Variants in RUBCN observed in about 807,000 individuals in gnomAD.
The protein encoded by RUBCN is rubicon autophagy regulator.
Under a neutral mutation model 113.2 loss-of-function variants are expected in RUBCN, and 74 were observed. The ratio of observed to expected loss-of-function variants is 0.65; its 90% CI spans 0.54 to 0.79. The LOEUF is 0.79. Ranked by LOEUF, RUBCN falls within the 30% of genes least tolerant of loss-of-function variation. The probability of loss-of-function intolerance (pLI) is 0.00; values close to 1 mark genes in which losing one functional copy is unlikely to be tolerated. For missense variants in RUBCN, 1,109 were observed against 1,251.7 expected (o/e 0.89, Z 1.72); for synonymous variants, 480 against 490.0 (o/e 0.98, Z 0.27).
intron 2 of RUBCN, among the ~76,000 whole-genome samples, chr3:197,708,697 T>C (rs567333024): frequency 7.4e-4 from 112 of 152,258 alleles, no homozygotes; most frequent in African/African-American, 2.6e-3. Context: ...CTCCCACCAA[T>C]TGAGTTGTGG....
At chr3:197,737,081 C>A, upstream of RUBCN, 1 of 444,562 alleles carries the variant, frequency 2.2e-6, no homozygotes, top group African/African-American at 2.1e-5. Flanking sequence ...CCGCGCCCTC[C>A]AATCCCAGGC....
At chr3:197,684,245 C>T (rs757032278) in intron 11 of RUBCN, 28 bp from the exon 12 acceptor site, 7 of 1,596,256 alleles carry the variant, frequency 4.4e-6, no homozygotes, top group Non-Finnish European at 5.2e-6. Context: ...ATAAGGGGAG[C>T]GCAATGGAAA....
chr3:197,720,795 C>T (rs970371914), intron 1 of RUBCN, among the ~76,000 whole-genome samples: 1 of 152,086 alleles, frequency 6.6e-6, no homozygotes, highest in Non-Finnish European at 1.5e-5. Context: ...CTTTGATACA[C>T]CGATTGTGTT....
At position 197,701,761 on chromosome 3, in the gene RUBCN, G is replaced by T; in HGVS notation, c.674C>A (p.Ser225Tyr). The change falls in exon 6 of 20, where the codon TCC (serine) becomes TAC (tyrosine). Residue 225 changes from serine to tyrosine, a missense_variant. By Grantham distance (144) the Ser-to-Tyr change is moderately radical. Coordinates refer to ENST00000296343, the MANE Select transcript of RUBCN (RefSeq NM_014687.4). ...GAGGCTAGAGAAGGACCCAAAGTAG[G>T]AATGCTGAGCATAGCTGTTTGGAGG... ...YTPPNSYAQH[S>Y]YFGSFSSLHQ... 1 of 1,614,148 alleles carries T rather than the reference G, an allele frequency of 6.2e-7. No homozygotes were observed. Among genetic ancestry groups the T allele is most frequent in the Non-Finnish European group, 8.5e-7 (1 of 1,179,970 alleles).
At chr3:197,676,831 C>G (rs2108833223) in intron 18 of RUBCN, 54 bp downstream of exon 18, 1 of 1,613,138 alleles carries the variant, frequency 6.2e-7, no homozygotes, top group East Asian at 2.2e-5. Context: ...CACCCCCCTC[C>G]CTGTATCCCT....
exon 1 of RUBCN, chr3:197,749,321 G>A (rs1728900848): frequency 2.6e-6 from 3 of 1,151,370 alleles, no homozygotes; most frequent in Middle Eastern, 4.0e-4. Flanking sequence ...CGTGCCAGAT[G>A]TTTTGAGAGT....
upstream of RUBCN, among the ~76,000 whole-genome samples, chr3:197,740,166 A>G (rs963043767): frequency 1.1e-4 from 17 of 152,216 alleles, 1 homozygote; most frequent in Non-Finnish European, 2.2e-4. Context: ...AAACATGACA[A>G]TAATCTGCAC....
At position 197,718,091 on chromosome 3, in the gene RUBCN, C is replaced by T. The variant is rs773189467; in HGVS notation, c.105G>A (p.Thr35=). 1.4e-5 allele frequency: 22 copies of T among 1,614,072 alleles called. No individual in the cohort carries two copies. Among genetic ancestry groups the T allele is most frequent in the Middle Eastern group, 3.3e-4 (2 of 6,078 alleles). ...TGTTGGTTGATACCAAACCCTCCACCGTCGTCTTCAAATTACCCAGCAACT... is the reference window on the plus strand; with the variant it reads ...TGTTGGTTGATACCAAACCCTCCACTGTCGTCTTCAAATTACCCAGCAACT... ...HWQLLGNLKT[T]VEGLVSTNSP... is the part of the protein sequence containing the mutation. The change falls in exon 2 of 20, where the codon ACG becomes ACA. Residue 35 remains threonine, a synonymous_variant. Coordinates refer to ENST00000296343, the MANE Select transcript of RUBCN (RefSeq NM_014687.4).
In RUBCN at chr3:197,712,861, C is replaced by CT. The variant is rs10662950; in HGVS notation, c.219+5115dup. ...CCAGATACTTTCACAGATATTATCACTTTTTTTTTTTTTCTGAGATGGAGT... is the reference window on the plus strand; with the variant it reads ...CCAGATACTTTCACAGATATTATCACTTTTTTTTTTTTTTCTGAGATGGAGT... On this transcript the variant is annotated intron_variant, in intron 2 of 19. Transcript: ENST00000296343. Among the ~76,000 whole-genome samples the CT allele has an allele frequency of 1.4e-3, 204 of 146,638 alleles. 1 individual carries two copies. Among genetic ancestry groups the CT allele is most frequent in the Middle Eastern group, 7.0e-3 (2 of 286 alleles).
chr3:197,699,565 G>A (rs989722036), intron 7 of RUBCN, among the ~76,000 whole-genome samples: 1 of 152,194 alleles, frequency 6.6e-6, no homozygotes, highest in Non-Finnish European at 1.5e-5. Context: ...CAGGAGATGT[G>A]AAGTGAGGGT....
rs1721521120 is a variant in RUBCN at position 197,683,699 on chromosome 3, T to G, written c.1848-260A>C. On this transcript the variant is annotated intron_variant, in intron 12 of 19. Coordinates refer to ENST00000296343, the MANE Select transcript of RUBCN (RefSeq NM_014687.4). The surrounding 1 kb of genome is among the most constrained non-coding windows in gnomAD (Gnocchi z 4.6). The stretch of plus-strand genomic sequence containing the variant: ...CTCTGTCACTTCCTTTCTCTGAACT[T>G]CAGCTCCTCTAACAGCAAAATGGAG... Among the ~76,000 whole-genome samples the G allele has an allele frequency of 6.6e-6, 1 of 152,166 alleles. No individual in the cohort carries two copies. The highest frequency in any genetic ancestry group is 2.1e-4 in the South Asian group (1 of 4,834).
At chr3:197,725,314 T>C (rs1195881588) in intron 1 of RUBCN, among the ~76,000 whole-genome samples, 1 of 151,996 alleles carries the variant, frequency 6.6e-6, no homozygotes, top group Non-Finnish European at 1.5e-5. Context: ...TCTGGCCATA[T>C]ATTTGCTGTT....
intron 4 of RUBCN, 120 bp from the exon 5 acceptor site, chr3:197,703,774 A>G: frequency 1.4e-6 from 1 of 715,402 alleles, no homozygotes; most frequent in Non-Finnish European, 2.5e-6. Flanking sequence ...CAGATCAGAA[A>G]CAAAGTAGAG....
Position 197,675,207 on chromosome 3 carries a change from T to C in RUBCN, c.2741-11A>G, listed in dbSNP as rs1720224720. On this transcript the variant is annotated splice_polypyrimidine_tract_variant and intron_variant, in intron 19 of 19. Coordinates refer to ENST00000296343, the MANE Select transcript of RUBCN (RefSeq NM_014687.4). The surrounding 1 kb of genome is among the most constrained non-coding windows in gnomAD (Gnocchi z 4.4). The stretch of plus-strand genomic sequence containing the variant: ...AACACGCTTTACACTCTACTCAGGT[T>C]GGGAAGGTGGGGGAGAGAAGAAAAC... 1.2e-6 allele frequency: 2 copies of C among 1,613,864 alleles called. No homozygotes were observed. The highest frequency in any genetic ancestry group is 2.2e-5 in the South Asian group (2 of 91,094).
At chr3:197,713,332 T>C (rs559097756) in intron 2 of RUBCN, among the ~76,000 whole-genome samples, 138 of 152,310 alleles carry the variant, frequency 9.1e-4, no homozygotes, top group African/African-American at 3.2e-3. Context: ...AGTTTAATAT[T>C]AGTAACAGGG....
chr3:197,701,060 T>C lies in RUBCN; in HGVS notation c.814A>G (p.Thr272Ala), dbSNP rs1254262287. ...RGHVSPAEDQTIQAPPVSVSA... is the reference protein window; with the variant it reads ...RGHVSPAEDQAIQAPPVSVSA... The stretch of plus-strand genomic sequence containing the variant: ...ACTGAAACTGGGGGGGCTTGGATGG[T>C]TTGATCCTCTGCTGGTGAGACGTGC... The change falls in exon 7 of 20, where the codon ACC (threonine) becomes GCC (alanine). Residue 272 changes from threonine (T) to alanine (A), a missense_variant. Coordinates refer to ENST00000296343, the MANE Select transcript of RUBCN (RefSeq NM_014687.4). 1.2e-6 allele frequency: 2 copies of C among 1,612,566 alleles called. No homozygotes were observed. Among genetic ancestry groups the C allele is most frequent in the Non-Finnish European group, 8.5e-7 (1 of 1,179,022 alleles).
At chr3:197,734,194 T>G (rs1481543038) in intron 1 of RUBCN, among the ~76,000 whole-genome samples, 2 of 150,294 alleles carry the variant, frequency 1.3e-5, no homozygotes, top group Non-Finnish European at 3.0e-5. Flanking sequence ...GAGGCAGAGG[T>G]TGTAGTGAAG....
At position 197,703,521 on chromosome 3, in the gene RUBCN, A is replaced by C. The variant is rs1272698412; in HGVS notation, c.570+27T>G. On this transcript the variant is annotated intron_variant, in intron 5 of 19. Transcript: ENST00000296343. Reference sequence around the variant, plus strand: ...GCTGAGCTCCAGGGACCCAGCATAGACGTGGATAATTCCTTGTCCCCTGTA... The same window carrying C: ...GCTGAGCTCCAGGGACCCAGCATAGCCGTGGATAATTCCTTGTCCCCTGTA... The C allele has an allele frequency of 2.0e-6, 3 of 1,501,744 alleles. No individual in the cohort carries two copies. In the South Asian group the frequency reaches 3.4e-5, roughly 17 times the overall value. 93.0% of individuals were successfully genotyped at this position (1,501,744 alleles called of 1,614,324 possible). A position where few individuals can be genotyped will look rare whatever the true frequency, so the allele number is the denominator to read the frequency against.
chr3:197,670,215 T>C lies in RUBCN; in HGVS notation c.*4803A>G, dbSNP rs1009406031. ...TATCATAATTTTTATAACTGTCATT[T>C]TGATGGTTGCATCAATTTTTTTATT... On this transcript the variant is annotated 3_prime_UTR_variant, in exon 20 of 20. Transcript: ENST00000296343. Among the ~76,000 whole-genome samples, 1 of 152,270 alleles carries C rather than the reference T, an allele frequency of 6.6e-6. No individual in the cohort carries two copies. The highest frequency in any genetic ancestry group is 2.4e-5 in the African/African-American group (1 of 41,482).
Sources: gnomAD v4.1 joint callset for allele counts (sites outside exome capture counted in the v4.1 genomes callset) on GRCh38, gnomAD v4.1.1 for gene constraint, Gnocchi (gnomAD v3.1) non-coding constraint, MANE v1.5 for transcripts, NCBI Gene and HGNC (gene_info 2026-07-23, HGNC 2026-07-21) for gene names.